Variants in ZNF225 observed in about 807,000 individuals in gnomAD.
ZNF225 encodes the protein zinc finger protein 225.
In ZNF225, 6 loss-of-function variants were observed where a neutral mutation model predicts 12.0. That is an observed-to-expected ratio of 0.50 (90% CI 0.27 to 0.98). The LOEUF is 0.98. Ranked by LOEUF, ZNF225 falls within the 50% of genes least tolerant of loss-of-function variation. The probability of loss-of-function intolerance (pLI) is 0.11; values close to 1 mark genes in which losing one functional copy is unlikely to be tolerated. For missense variants in ZNF225, 763 were observed against 848.2 expected (o/e 0.90, Z 1.25); for synonymous variants, 271 against 283.2 (o/e 0.96, Z 0.43).
intron 1 of ZNF225, among the ~76,000 whole-genome samples, chr19:44,114,905 T>A (rs562686866): frequency 6.6e-6 from 1 of 152,344 alleles, no homozygotes; most frequent in Admixed American, 6.5e-5. Context: ...GCTAAAGTCA[T>A]GTTTGTCAGA....
intron 4 of ZNF225, among the ~76,000 whole-genome samples, chr19:44,121,465 A>C (rs1416020461): frequency 2.0e-5 from 3 of 152,228 alleles, no homozygotes; most frequent in Non-Finnish European, 2.9e-5. Context: ...TGCATGTGCA[A>C]GTATCTTTTT....
chr19:44,132,984 C>T lies in ZNF225; in HGVS notation c.*249C>T, dbSNP rs541855368. On this transcript the variant is annotated 3_prime_UTR_variant, in exon 5 of 5. Coordinates refer to ENST00000262894, the MANE Select transcript of ZNF225 (RefSeq NM_013362.4). ...CTGTATTTCTGTATTCATTAACCAA[C>T]CTTTGGCTACCACCCTGCCTCCTCA... 6.3e-6 allele frequency: 2 copies of T among 318,734 alleles called. No individual in the cohort carries two copies. The highest frequency in any genetic ancestry group is 6.1e-5 in the East Asian group (1 of 16,500). The allele number at this position is 318,734 out of a possible 1,614,324, so 19.7% of individuals were successfully genotyped here.
intron 1 of ZNF225, chr19:44,113,957 G>A (rs1161858964): frequency 3.7e-6 from 1 of 273,546 alleles, no homozygotes; most frequent in African/African-American, 2.3e-5. Context: ...TCCCCGGGTG[G>A]GGTGAAACTC....
In ZNF225 at chr19:44,132,457, C is replaced by T. The variant is rs2147581728; in HGVS notation, c.1843C>T (p.Gln615Ter). ...TGAGAATTCACAGCTTCATTCCCAT[C>T]AGAGGGTTCACACTGGGGAAAAGCC... ...FTENSQLHSH[Q>*]RVHTGEKPYK... is the part of the protein sequence containing the mutation. The change falls in exon 5 of 5, where the codon CAG becomes TAG. Residue 615 changes from glutamine (Q) to a stop codon, truncating the protein, a stop_gained. Transcript: ENST00000262894. LOFTEE classifies it low-confidence loss of function (END_TRUNC). 9.9e-6 allele frequency: 16 copies of T among 1,614,120 alleles called. No homozygotes were observed. The highest frequency in any genetic ancestry group is 1.3e-5 in the Non-Finnish European group (15 of 1,180,014).
At chr19:44,113,175 T>G (rs541540363), upstream of ZNF225, 2 of 152,592 alleles carry the variant, frequency 1.3e-5, no homozygotes, top group African/African-American at 4.8e-5. Flanking sequence ...TACAAGCAAT[T>G]CTGGGAATGG....
At chr19:44,126,834 T>C (rs1195458378) in intron 4 of ZNF225, among the ~76,000 whole-genome samples, 1 of 152,128 alleles carries the variant, frequency 6.6e-6, no homozygotes, top group Non-Finnish European at 1.5e-5. Flanking sequence ...AAGCTGGCAG[T>C]CATAGGCCTC....
At chr19:44,111,833 GT>G (rs1321335466), upstream of ZNF225, 5 of 152,196 alleles carry the variant, frequency 3.3e-5, no homozygotes, top group Non-Finnish European at 5.9e-5. Context: ...TGATAAAAAT[GT>G]TTTGTAATTC....
At chr19:44,115,989 G>A in intron 2 of ZNF225, 147 bp downstream of exon 2, 1 of 776,656 alleles carries the variant, frequency 1.3e-6, no homozygotes. Flanking sequence ...AGCCTCCCAA[G>A]TAGCTGGGAC....
chr19:44,118,697 G>A, intron 4 of ZNF225, 123 bp downstream of exon 4: 2 of 998,434 alleles, frequency 2.0e-6, no homozygotes, highest in South Asian at 1.6e-5. Flanking sequence ...TATTACAGCT[G>A]ACTTTCGGCT....
At chr19:44,112,645 ATG>A (rs1178465717), upstream of ZNF225, among the ~76,000 whole-genome samples, 1 of 152,266 alleles carries the variant, frequency 6.6e-6, no homozygotes, top group Non-Finnish European at 1.5e-5. Flanking sequence ...TAATATGAGT[ATG>A]TAAATAATAC....
chr19:44,129,513 A>G lies in ZNF225; in HGVS notation c.236-1337A>G, dbSNP rs1420451713. The G allele has an allele frequency of 2.0e-5, 3 of 153,728 alleles. No homozygotes were observed. The East Asian group carries it at 5.7e-4, about 29-fold the overall frequency. 9.5% of individuals were successfully genotyped at this position (153,728 alleles called of 1,614,324 possible). On this transcript the variant is annotated intron_variant, in intron 4 of 4. Coordinates refer to ENST00000262894, the MANE Select transcript of ZNF225 (RefSeq NM_013362.4). ...GTGACATTAGACGGGAGGAGAGCCT[A>G]TCAGGGAAGCTTTCCTGAGCCCTGG... is the stretch of plus-strand genomic sequence containing the variant.
rs139189978 is a variant in ZNF225, at chr19:44,123,910, C to T, written c.235+5336C>T. On this transcript the variant is annotated intron_variant, in intron 4 of 4. Coordinates refer to ENST00000262894, the MANE Select transcript of ZNF225 (RefSeq NM_013362.4). ...TTTCTTGGGTAATCTTGCTAATGGC[C>T]TATCAATTTTATTTATCTTTTCAAA... 1.6e-4 allele frequency among the ~76,000 whole-genome samples: 25 copies of T among 152,136 alleles called. No individual in the cohort carries two copies. The East Asian group carries it at 4.6e-3, about 28-fold the overall frequency.
intron 4 of ZNF225, among the ~76,000 whole-genome samples, chr19:44,122,232 G>A (rs1216293082): frequency 1.3e-5 from 2 of 152,110 alleles, no homozygotes; most frequent in Non-Finnish European, 2.9e-5. Context: ...AATTATCCCA[G>A]CATCATTTGT....
chr19:44,114,151 A>C (rs1267399695), intron 1 of ZNF225: 2 of 936,962 alleles, frequency 2.1e-6, no homozygotes, highest in African/African-American at 3.5e-5. Flanking sequence ...CTCCTTACCC[A>C]GCCCGACCTT....
chr19:44,117,921 A>T (rs1217181432), intron 2 of ZNF225, among the ~76,000 whole-genome samples: 1 of 152,174 alleles, frequency 6.6e-6, no homozygotes, highest in African/African-American at 2.4e-5. Context: ...TGGGAGGCTG[A>T]GGCGGGAGGA....
In ZNF225 at chr19:44,131,648, A is replaced by C. The variant is rs1234640575; in HGVS notation, c.1034A>C (p.Lys345Thr). The C allele has an allele frequency of 6.2e-7, 1 of 1,614,016 alleles. No individual in the cohort carries two copies. The highest frequency in any genetic ancestry group is 1.3e-5 in the African/African-American group (1 of 74,906). ...GTCCACACAGGAGAGAAACGGTACA[A>C]ATGTGAGGAATGTGGAAAACGCTTC... ...RMVHTGEKRY[K>T]CEECGKRFIY... Residue 345 changes from lysine to threonine, a missense_variant, in exon 5 of 5, where the codon AAA becomes ACA. Coordinates refer to ENST00000262894, the MANE Select transcript of ZNF225 (RefSeq NM_013362.4).
chr19:44,115,747 T>G lies in ZNF225; in HGVS notation c.-68-13T>G, dbSNP rs945524364. The G allele has an allele frequency of 1.4e-6, 2 of 1,434,890 alleles. No individual in the cohort carries two copies. Among genetic ancestry groups the G allele is most frequent in the African/African-American group, 2.9e-5 (2 of 70,078 alleles). The allele number at this position is 1,434,890 out of a possible 1,614,324, so 88.9% of individuals were successfully genotyped here. A position where few individuals can be genotyped will look rare whatever the true frequency, so the allele number is the denominator to read the frequency against. On this transcript the variant is annotated splice_polypyrimidine_tract_variant and intron_variant, in intron 1 of 4. Transcript: ENST00000262894. Reference sequence around the variant, plus strand: ...TTCATGTCTCTTTTTCTGCCTTCCCTGGTACTTTCCAGGCAGGATTCTGCT... The same window carrying G: ...TTCATGTCTCTTTTTCTGCCTTCCCGGGTACTTTCCAGGCAGGATTCTGCT...
Position 44,133,772 on chromosome 19 carries a change from C to A in ZNF225, c.*1037C>A, listed in dbSNP as rs1968334202. 1 of 150,778 alleles carries A rather than the reference C, an allele frequency of 6.6e-6. No individual in the cohort carries two copies. Among genetic ancestry groups the A allele is most frequent in the Non-Finnish European group, 1.5e-5 (1 of 67,812 alleles). 9.3% of individuals were successfully genotyped at this position (150,778 alleles called of 1,614,324 possible). On this transcript the variant is annotated 3_prime_UTR_variant, in exon 5 of 5. Transcript: ENST00000262894. The stretch of plus-strand genomic sequence containing the variant: ...AGGCTTTCTTCAGCAAAATCTATCT[C>A]TAGAGATAGATTTGATTTTTATAAT...
chr19:44,132,415 T>C lies in ZNF225; in HGVS notation c.1801T>C (p.Cys601Arg). The C allele has an allele frequency of 1.2e-6, 2 of 1,614,022 alleles. No individual in the cohort carries two copies. The highest frequency in any genetic ancestry group is 8.5e-7 in the Non-Finnish European group (1 of 1,180,000). Residue 601 changes from cysteine to arginine, a missense_variant, in exon 5 of 5, where the codon TGT (cysteine) becomes CGT (arginine). Coordinates refer to ENST00000262894, the MANE Select transcript of ZNF225 (RefSeq NM_013362.4). ...GDEKPFKCEE[C>R]GKRFTENSQL... Reference sequence around the variant, plus strand: ...TGAAAAGCCATTCAAATGTGAAGAGTGTGGGAAGAGATTTACTGAGAATTC... The same window carrying C: ...TGAAAAGCCATTCAAATGTGAAGAGCGTGGGAAGAGATTTACTGAGAATTC...
Sources: allele counts gnomAD v4.1 joint callset (sites outside exome capture counted in the v4.1 genomes callset), GRCh38; gene constraint gnomAD v4.1.1; transcripts MANE v1.5; gene names NCBI Gene and HGNC (gene_info 2026-07-23, HGNC 2026-07-21).